The following NR6A1 variants were observed in gnomAD, a reference collection of about 807,000 sequenced individuals.
NR6A1 encodes nuclear receptor subfamily 6 group A member 1.
NR6A1 carries 7 observed loss-of-function variants against 59.1 expected under a neutral mutation model. The observed-to-expected ratio is 0.12, with a 90% confidence interval of 0.07 to 0.22. The LOEUF (loss-of-function observed/expected upper bound fraction) is 0.22, where lower values mean the gene tolerates loss of function less well. Ranked by LOEUF, NR6A1 falls within the 10% of genes least tolerant of loss-of-function variation. The probability of loss-of-function intolerance (pLI) is 1.00; values close to 1 mark genes in which losing one functional copy is unlikely to be tolerated. For missense variants in NR6A1, 468 were observed against 611.6 expected, an observed-to-expected ratio of 0.77 and a Z score of 2.48; for synonymous variants, 243 against 236.1, an observed-to-expected ratio of 1.03 and a Z score of -0.27.
At chr9:124,648,631 C>T (rs746178173) in intron 2 of NR6A1, among the ~76,000 whole-genome samples, 6 of 151,216 alleles carry the variant, frequency 4.0e-5, no homozygotes, top group Non-Finnish European at 8.8e-5. Context: ...AAAGGGCAGC[C>T]AAACTGTAAA....
At chr9:124,681,666 T>C (rs920028986) in intron 2 of NR6A1, among the ~76,000 whole-genome samples, 1 of 152,138 alleles carries the variant, frequency 6.6e-6, no homozygotes, top group African/African-American at 2.4e-5. Flanking sequence ...AAGCCAAAAT[T>C]AGAATTTTGG....
At chr9:124,751,682 C>T (rs1248045005) in intron 1 of NR6A1, among the ~76,000 whole-genome samples, 5 of 152,108 alleles carry the variant, frequency 3.3e-5, no homozygotes, top group African/African-American at 7.2e-5. Flanking sequence ...CTATTAGAAA[C>T]GGGTTTCACA....
intron 2 of NR6A1, chr9:124,599,367 C>G: frequency 2.8e-6 from 1 of 357,428 alleles, no homozygotes; most frequent in Non-Finnish European, 5.3e-6. Flanking sequence ...TGCAGTGAGC[C>G]GAGATGGCGC....
At chr9:124,626,346 G>A (rs532564188) in intron 2 of NR6A1, among the ~76,000 whole-genome samples, 7 of 152,228 alleles carry the variant, frequency 4.6e-5, no homozygotes, top group East Asian at 3.9e-4. Context: ...TCATAATCAC[G>A]TGAGCCAATT....
At chr9:124,715,400 C>T (rs1354688339) in intron 2 of NR6A1, among the ~76,000 whole-genome samples, 2 of 151,204 alleles carry the variant, frequency 1.3e-5, no homozygotes, top group African/African-American at 4.9e-5. Flanking sequence ...CCAGATGTAG[C>T]AGTGAGTACC....
chr9:124,571,942 T>C (rs1834449032), intron 2 of NR6A1, among the ~76,000 whole-genome samples: 2 of 151,796 alleles, frequency 1.3e-5, no homozygotes, highest in South Asian at 2.1e-4. Context: ...AAATTGACTA[T>C]GACAGACCTT....
intron 8 of NR6A1, among the ~76,000 whole-genome samples, chr9:124,526,342 A>C (rs1034665241): frequency 3.3e-5 from 5 of 151,728 alleles, no homozygotes; most frequent in Non-Finnish European, 7.4e-5. Flanking sequence ...TCTGCCCTGA[A>C]GGGGCTGTCA....
At position 124,555,848 on chromosome 9, in the gene NR6A1, T is replaced by A. The variant is rs145887420; in HGVS notation, c.143-1278A>T. ...CAGTGTGTGGGCTATAATAGACATT[T>A]GATAACTGTCAGCTATTATTTTCAT... On this transcript the variant is annotated intron_variant, in intron 2 of 9. Transcript: ENST00000487099. Among the ~76,000 whole-genome samples the A allele has an allele frequency of 4.6e-3, 695 of 152,320 alleles. 6 individuals are homozygous for A. Among genetic ancestry groups the A allele is most frequent in the African/African-American group, 0.016 (655 of 41,554 alleles).
chr9:124,627,877 ATTTTCTTTTTTTT>A (rs1199589644), intron 2 of NR6A1, among the ~76,000 whole-genome samples: 5 of 87,596 alleles, frequency 5.7e-5, no homozygotes, highest in African/African-American at 1.7e-4. Flanking sequence ...CTGGTCTGAG[ATTTTCTTTTTTTT>A]TTTTTTTTTT....
In NR6A1 at chr9:124,681,387, G is replaced by A. The variant is rs144159386; in HGVS notation, c.142+51921C>T. The stretch of plus-strand genomic sequence containing the variant: ...GATGGAGTCTCACTCTGTCACCCAG[G>A]CTGGAGTGCAATGGTATGGTCTCGG... On this transcript the variant is annotated intron_variant, in intron 2 of 9. Transcript: ENST00000487099. Among the ~76,000 whole-genome samples, 757 of 143,806 alleles carry A rather than the reference G, an allele frequency of 5.3e-3. 1 individual carries two copies. Among genetic ancestry groups the A allele is most frequent in the African/African-American group, 0.017 (667 of 39,192 alleles). 94.3% of individuals were successfully genotyped at this position (143,806 alleles called of 152,430 possible). A position where few individuals can be genotyped will look rare whatever the true frequency, so the allele number is the denominator to read the frequency against.
rs1243923893 is a variant in NR6A1, at chr9:124,519,062, G to A, written c.*3643C>T. On this transcript the variant is annotated 3_prime_UTR_variant, in exon 10 of 10. Transcript: ENST00000487099. ...ATCAAGAACAAACAAACAAATGTAG[G>A]AAATGGGTAACAGAGCAATGCACCT... 6.6e-6 allele frequency: 1 copy of A among 152,228 alleles called. No individual in the cohort carries two copies. The highest frequency in any genetic ancestry group is 1.5e-5 in the Non-Finnish European group (1 of 68,062). The allele number at this position is 152,228 out of a possible 1,614,324, so 9.4% of individuals were successfully genotyped here.
intron 3 of NR6A1, 95 bp downstream of exon 3, chr9:124,554,233 T>C: frequency 6.4e-7 from 1 of 1,569,200 alleles, no homozygotes; most frequent in South Asian, 1.2e-5. Flanking sequence ...GCCTGATATG[T>C]AGTGCAAGCT....
At chr9:124,653,237 A>G (rs185182203) in intron 2 of NR6A1, among the ~76,000 whole-genome samples, 1 of 151,566 alleles carries the variant, frequency 6.6e-6, no homozygotes, top group Admixed American at 6.6e-5. Context: ...CTGCCCCTTC[A>G]GTAAGCTGTG....
chr9:124,535,629 G>A lies in NR6A1; in HGVS notation c.1079+249C>T, dbSNP rs145523748. Among the ~76,000 whole-genome samples, 105 of 152,318 alleles carry A rather than the reference G, an allele frequency of 6.9e-4. 2 individuals carry two copies. The East Asian group carries it at 0.018, about 26-fold the overall frequency. ...TACAGCTTAGCATTCTGCTAAGCTT[G>A]AATGCATAAAATGTATTCCTAACAA... On this transcript the variant is annotated intron_variant, in intron 7 of 9. Transcript: ENST00000487099.
chr9:124,761,856 CT>C (rs969673115), intron 1 of NR6A1, among the ~76,000 whole-genome samples: 1 of 152,202 alleles, frequency 6.6e-6, no homozygotes, highest in African/African-American at 2.4e-5. Flanking sequence ...TCTTGAAAAA[CT>C]GCTGCCACAA....
intron 1 of NR6A1, among the ~76,000 whole-genome samples, chr9:124,739,987 C>A (rs1211637387): frequency 6.6e-6 from 1 of 152,166 alleles, no homozygotes; most frequent in Admixed American, 6.5e-5. Context: ...AGGTAAAATT[C>A]TACAATTCTA....
chr9:124,706,350 TTTC>T (rs1316175476), intron 2 of NR6A1, among the ~76,000 whole-genome samples: 5 of 152,224 alleles, frequency 3.3e-5, no homozygotes, highest in Non-Finnish European at 5.9e-5. Flanking sequence ...CTGTTCATCA[TTTC>T]TTCTTATGGA....
rs973284685 is a variant in NR6A1, at chr9:124,528,572, G to A, written c.1080-1672C>T. ...AAAAATCAGCTGGGCATGGTAGTGC[G>A]TGCCTGTGGACCCAGCTACTCGGGA... is the stretch of plus-strand genomic sequence containing the variant. On this transcript the variant is annotated intron_variant, in intron 7 of 9. Transcript: ENST00000487099. Among the ~76,000 whole-genome samples, 7 of 151,744 alleles carry A rather than the reference G, an allele frequency of 4.6e-5. 1 individual carries two copies. The highest frequency in any genetic ancestry group is 8.8e-5 in the Non-Finnish European group (6 of 67,928).
intron 2 of NR6A1, among the ~76,000 whole-genome samples, chr9:124,644,429 T>C (rs555435244): frequency 7.2e-5 from 11 of 152,156 alleles, no homozygotes; most frequent in Non-Finnish European, 1.5e-4. Flanking sequence ...TTTTTGTATT[T>C]TTAGTAGAGA....
Sources: allele counts gnomAD v4.1 joint callset (sites outside exome capture counted in the v4.1 genomes callset), GRCh38; gene constraint gnomAD v4.1.1; transcripts MANE v1.5; gene names NCBI Gene and HGNC (gene_info 2026-07-23, HGNC 2026-07-21).